The following ZNF581 variants were observed in gnomAD, a reference collection of about 807,000 sequenced individuals.
The protein encoded by ZNF581 is zinc finger protein 581.
ZNF581 carries 1 observed loss-of-function variant against 1.2 expected under a neutral mutation model. The ratio of observed to expected loss-of-function variants is 0.83; its 90% CI spans 0.30 to 3.95. The LOEUF is 3.95. Ranked by LOEUF, ZNF581 falls within the 30% of genes most tolerant of loss-of-function variation. The pLI is 0.18. For missense variants in ZNF581, 273 were observed against 274.6 expected (o/e 0.99, Z 0.04); for synonymous variants, 105 against 109.2 (o/e 0.96, Z 0.24).
rs778759689 is a variant in ZNF581 at position 55,644,747 on chromosome 19, A to G, written c.176A>G (p.Gln59Arg). The G allele has an allele frequency of 1.2e-6, 2 of 1,614,086 alleles. No homozygotes were observed. The highest frequency in any genetic ancestry group is 1.7e-6 in the Non-Finnish European group (2 of 1,179,974). ...RPNHYLLIDT[Q>R]GVPYTVLVDE... ...AACCACTACCTGCTTATTGACACTCAGGGTGTCCCCTACACAGTGCTGGTG... is the reference window on the plus strand; with the variant it reads ...AACCACTACCTGCTTATTGACACTCGGGGTGTCCCCTACACAGTGCTGGTG... The change falls in exon 2 of 2, where the codon CAG (glutamine) becomes CGG (arginine). Residue 59 changes from glutamine to arginine, a missense_variant. Physicochemically the swap from Gln to Arg is conservative, Grantham distance 43. Transcript: ENST00000270451. The surrounding 1 kb of genome is among the most constrained non-coding windows in gnomAD (Gnocchi z 4.3).
chr19:55,640,908 C>T (rs1229872717), upstream of ZNF581: 4 of 985,284 alleles, frequency 4.1e-6, no homozygotes, highest in African/African-American at 7.0e-5. Flanking sequence ...GCCTCCGGTC[C>T]CCTCCCCGCA....
upstream of ZNF581, chr19:55,642,335 G>A (rs961339122): frequency 2.4e-6 from 3 of 1,264,132 alleles, no homozygotes; most frequent in East Asian, 3.2e-5. Context: ...TTGATGGAAC[G>A]TGGGAGAGCC....
rs1412417336 is a variant in ZNF581 at position 55,644,504 on chromosome 19, G to A, written c.-19-49G>A. On this transcript the variant is annotated intron_variant, in intron 1 of 1. Transcript: ENST00000270451. This position sits in a 1 kb window ranked among gnomAD's most constrained non-coding sequence, Gnocchi z 4.3. ...GGAAAAGGATGGAGCCTGTGGTGCT[G>A]AGCTGCCCTCTTCTATATAACCTTC... The A allele has an allele frequency of 8.1e-7, 1 of 1,230,428 alleles. No homozygotes were observed. Among genetic ancestry groups the A allele is most frequent in the Non-Finnish European group, 1.1e-6 (1 of 896,092 alleles). The allele number at this position is 1,230,428 out of a possible 1,614,324, so 76.2% of individuals were successfully genotyped here.
Position 55,644,219 on chromosome 19 carries a change from C to T in ZNF581, c.-19-334C>T, listed in dbSNP as rs546956622. On this transcript the variant is annotated intron_variant, in intron 1 of 1. Transcript: ENST00000270451. This position sits in a 1 kb window ranked among gnomAD's most constrained non-coding sequence, Gnocchi z 4.3. ...GGCTAGAAGGAGGGGAGGGAGAGGC[C>T]TGGAGGCCTGCGGGGTGGGGCACCC... 1.2e-4 allele frequency among the ~76,000 whole-genome samples: 18 copies of T among 147,022 alleles called. No homozygotes were observed. The highest frequency in any genetic ancestry group is 4.2e-4 in the African/African-American group (17 of 40,554).
chr19:55,642,911 C>T, upstream of ZNF581: 1 of 1,530,386 alleles, frequency 6.5e-7, no homozygotes, highest in South Asian at 1.2e-5. Flanking sequence ...CTCCAGCCAC[C>T]TGTCGCGGCA....
At chr19:55,636,601 G>C (rs1982106356), upstream of ZNF581, among the ~76,000 whole-genome samples, 1 of 152,156 alleles carries the variant, frequency 6.6e-6, no homozygotes, top group Non-Finnish European at 1.5e-5. Flanking sequence ...AGGGTAGAAT[G>C]TTGACCAGGA....
Position 55,644,141 on chromosome 19 carries a change from G to A in ZNF581, c.-20+367G>A, listed in dbSNP as rs1259220980. Among the ~76,000 whole-genome samples, 16 of 152,210 alleles carry A rather than the reference G, an allele frequency of 1.1e-4. 1 individual carries two copies. Among genetic ancestry groups the A allele is most frequent in the South Asian group, 4.1e-4 (2 of 4,828 alleles). On this transcript the variant is annotated intron_variant, in intron 1 of 1. Transcript: ENST00000270451. This position sits in a 1 kb window ranked among gnomAD's most constrained non-coding sequence, Gnocchi z 4.3. ...GAATAGGCTTGGCTTGTATGGAGGGGGTCAGGAAAGGCTTGAGTATGTAGC... is the reference window on the plus strand; with the variant it reads ...GAATAGGCTTGGCTTGTATGGAGGGAGTCAGGAAAGGCTTGAGTATGTAGC...
upstream of ZNF581, chr19:55,641,329 G>A (rs571411729): frequency 1.6e-5 from 8 of 491,252 alleles, no homozygotes; most frequent in African/African-American, 1.0e-4. Context: ...GGGAAGTCGA[G>A]GCGCCAGGGC....
At chr19:55,639,235 C>T (rs1982292784), upstream of ZNF581, among the ~76,000 whole-genome samples, 1 of 152,006 alleles carries the variant, frequency 6.6e-6, no homozygotes, top group Non-Finnish European at 1.5e-5. Context: ...TGGGTGGAGG[C>T]CAAGGATGCT....
upstream of ZNF581, among the ~76,000 whole-genome samples, chr19:55,639,953 GAT>G: frequency 6.6e-6 from 1 of 152,336 alleles, no homozygotes; most frequent in Non-Finnish European, 1.5e-5. Context: ...CAGGTCCTCT[GAT>G]ACACCAGCCA....
chr19:55,641,392 G>T (rs888266840), upstream of ZNF581, among the ~76,000 whole-genome samples: 1 of 152,228 alleles, frequency 6.6e-6, no homozygotes, highest in African/African-American at 2.4e-5. Flanking sequence ...GGGACAGGCG[G>T]TGTGTAGCGG....
exon 1 of ZNF581, chr19:55,635,643 G>A: frequency 1.0e-6 from 1 of 987,710 alleles, no homozygotes; most frequent in Non-Finnish European, 1.2e-6. Context: ...TGAGTAATCA[G>A]TCACAGTGGC....
chr19:55,642,751 G>T (rs777386956), upstream of ZNF581: 3 of 1,530,252 alleles, frequency 2.0e-6, no homozygotes, highest in South Asian at 1.2e-5. Flanking sequence ...AGCGCGAGGC[G>T]CCCCCAGGAG....
At chr19:55,640,166 C>T (rs1035017854), upstream of ZNF581, 1 of 985,490 alleles carries the variant, frequency 1.0e-6, no homozygotes, top group Non-Finnish European at 1.2e-6. Flanking sequence ...TCCTGCGAGG[C>T]CGTGGCGCCA....
Position 55,644,569 on chromosome 19 carries a change from C to A in ZNF581, c.-3C>A. 1 of 1,582,998 alleles carries A rather than the reference C, an allele frequency of 6.3e-7. No individual in the cohort carries two copies. The highest frequency in any genetic ancestry group is 2.3e-5 in the East Asian group (1 of 43,876). ...ATCCACCAGGCCTCAGCCAGCCCTC[C>A]GGATGCTGGTGCTGCCATCCCCCTG... On this transcript the variant is annotated 5_prime_UTR_variant, in exon 2 of 2. Transcript: ENST00000270451. The surrounding 1 kb of genome is among the most constrained non-coding windows in gnomAD (Gnocchi z 4.3).
chr19:55,645,487 T>TG lies in ZNF581; in HGVS notation c.*324dup. On this transcript the variant is annotated 3_prime_UTR_variant, in exon 2 of 2. Transcript: ENST00000270451. ...GTAAAGTCTCTGGCCTCATAAAAGG[T>TG]GGCTGTGGGTCGTCAGGAATCTGCG... 3.8e-6 allele frequency: 1 copy of TG among 262,022 alleles called. No homozygotes were observed. The highest frequency in any genetic ancestry group is 7.7e-6 in the Non-Finnish European group (1 of 129,480). 16.2% of individuals were successfully genotyped at this position (262,022 alleles called of 1,614,324 possible). A position where few individuals can be genotyped will look rare whatever the true frequency, so the allele number is the denominator to read the frequency against.
chr19:55,641,119 G>C (rs1982436334), upstream of ZNF581: 1 of 985,300 alleles, frequency 1.0e-6, no homozygotes, highest in Non-Finnish European at 1.2e-6. Context: ...GCGCTCGCCA[G>C]GGGAAGCCCG....
chr19:55,643,188 T>C, upstream of ZNF581: 1 of 1,180,696 alleles, frequency 8.5e-7, no homozygotes, highest in Non-Finnish European at 1.1e-6. Flanking sequence ...CATCATTCCT[T>C]CCTTACCCCC....
upstream of ZNF581, among the ~76,000 whole-genome samples, chr19:55,641,565 G>T (rs1204820563): frequency 2.6e-5 from 4 of 152,174 alleles, no homozygotes; most frequent in East Asian, 7.7e-4. Context: ...ACAGAAAGGA[G>T]GGGAAAGTGG....
Sources: allele counts gnomAD v4.1 joint callset (sites outside exome capture counted in the v4.1 genomes callset), GRCh38; gene constraint gnomAD v4.1.1; non-coding constraint Gnocchi (gnomAD v3.1); transcripts MANE v1.5; gene names NCBI Gene and HGNC (gene_info 2026-07-23, HGNC 2026-07-21).